The following PRKCA variants were observed in gnomAD, a reference collection of about 807,000 sequenced individuals.
PRKCA encodes the protein protein kinase C alpha type.
Under a neutral mutation model 87.0 loss-of-function variants are expected in PRKCA, and 27 were observed. The observed-to-expected ratio is 0.31, with a 90% CI of 0.23 to 0.43. The LOEUF is 0.43. PRKCA is among the 20% of genes least tolerant of loss of function. The pLI is 1.00. For synonymous variants in PRKCA, 329 were observed against 311.1 expected (o/e 1.06, Z -0.61); for missense variants, 518 against 852.3 (o/e 0.61, Z 4.88).
At chr17:66,774,333 C>T in intron 14 of PRKCA, 1 of 1,289,750 alleles carries the variant, frequency 7.8e-7, no homozygotes, top group Non-Finnish European at 9.9e-7. Context: ...ATGAAATGTA[C>T]ATGTTGGCCA....
At chr17:66,453,508 G>A (rs910039699) in intron 2 of PRKCA, among the ~76,000 whole-genome samples, 3 of 151,970 alleles carry the variant, frequency 2.0e-5, no homozygotes, top group South Asian at 2.1e-4. Flanking sequence ...CAGTAGAAAC[G>A]TGTTTCGCCA....
chr17:66,570,658 A>G (rs1343875631), intron 3 of PRKCA, among the ~76,000 whole-genome samples: 2 of 152,216 alleles, frequency 1.3e-5, no homozygotes, highest in African/African-American at 4.8e-5. Flanking sequence ...CTTTTCTGCC[A>G]TGCCTTACTA....
intron 8 of PRKCA, among the ~76,000 whole-genome samples, chr17:66,710,393 A>G (rs1432723416): frequency 6.6e-6 from 1 of 151,962 alleles, no homozygotes; most frequent in Non-Finnish European, 1.5e-5. Flanking sequence ...CCTGTGTGTA[A>G]CATTTCTCCT....
At chr17:66,380,593 T>A (rs1398515606) in intron 2 of PRKCA, among the ~76,000 whole-genome samples, 1 of 152,222 alleles carries the variant, frequency 6.6e-6, no homozygotes, top group Admixed American at 6.5e-5. Context: ...GCTATATTTT[T>A]GAATTATTGT....
At chr17:66,722,085 C>T (rs1973629907) in intron 8 of PRKCA, among the ~76,000 whole-genome samples, 1 of 152,158 alleles carries the variant, frequency 6.6e-6, no homozygotes, top group South Asian at 2.1e-4. Context: ...GGAGATAAAT[C>T]AGCACCCCTT....
chr17:66,743,300 C>G (rs936822810), intron 13 of PRKCA, among the ~76,000 whole-genome samples: 1 of 152,204 alleles, frequency 6.6e-6, no homozygotes, highest in Admixed American at 6.5e-5. Flanking sequence ...GCACTCCAGC[C>G]TGGGTGACAG....
rs1568021032 is a variant in PRKCA at position 66,765,447 on chromosome 17, T to TAG, written c.1525-8539_1525-8538insGA. Among the ~76,000 whole-genome samples, 32 of 139,634 alleles carry TAG rather than the reference T, an allele frequency of 2.3e-4. 1 individual carries two copies. The highest frequency in any genetic ancestry group is 8.5e-4 in the African/African-American group (32 of 37,554). 91.6% of individuals were successfully genotyped at this position (139,634 alleles called of 152,430 possible). The stretch of plus-strand genomic sequence containing the variant: ...ATATATATATATATATATATATATA[T>TAG]ATATATATCCATATATATACATATT... On this transcript the variant is annotated intron_variant, in intron 13 of 16. Coordinates refer to ENST00000413366, the MANE Select transcript of PRKCA (RefSeq NM_002737.3).
chr17:66,604,287 C>A (rs1277174294), intron 3 of PRKCA, among the ~76,000 whole-genome samples: 1 of 151,910 alleles, frequency 6.6e-6, no homozygotes, highest in African/African-American at 2.4e-5. Context: ...GGGTTCCTGG[C>A]ATAATAAACA....
chr17:66,593,765 C>G (rs1735304022), intron 3 of PRKCA, among the ~76,000 whole-genome samples: 1 of 152,198 alleles, frequency 6.6e-6, no homozygotes, highest in African/African-American at 2.4e-5. Context: ...GGCAAAGATT[C>G]AGGCAGACAT....
At chr17:66,790,996 T>G (rs998614548) in intron 16 of PRKCA, among the ~76,000 whole-genome samples, 27 of 151,082 alleles carry the variant, frequency 1.8e-4, no homozygotes, top group African/African-American at 6.1e-4. Flanking sequence ...TGCTGGTTTT[T>G]TTTTTTTTTA....
intron 5 of PRKCA, among the ~76,000 whole-genome samples, chr17:66,672,287 A>G (rs1176272894): frequency 6.6e-6 from 1 of 152,220 alleles, no homozygotes; most frequent in Non-Finnish European, 1.5e-5. Flanking sequence ...ACTACCTTCT[A>G]GAAAACTTGA....
chr17:66,496,706 C>T (rs1478676442), intron 3 of PRKCA, among the ~76,000 whole-genome samples: 3 of 151,092 alleles, frequency 2.0e-5, no homozygotes, highest in East Asian at 2.0e-4. Flanking sequence ...TGCAGTGGCA[C>T]GATCTCAGCT....
At chr17:66,635,289 G>A (rs559713534) in intron 3 of PRKCA, among the ~76,000 whole-genome samples, 2 of 152,190 alleles carry the variant, frequency 1.3e-5, no homozygotes, top group Non-Finnish European at 2.9e-5. Context: ...TAGCTATCAG[G>A]AGACCTACTC....
intron 2 of PRKCA, among the ~76,000 whole-genome samples, chr17:66,336,706 T>C (rs1807803239): frequency 1.1e-5 from 1 of 89,594 alleles, no homozygotes; most frequent in African/African-American, 3.1e-5. Context: ...TATAATGTTT[T>C]ACCCTTCTCT....
intron 3 of PRKCA, among the ~76,000 whole-genome samples, chr17:66,568,657 T>C (rs1968970935): frequency 6.6e-6 from 1 of 152,132 alleles, no homozygotes; most frequent in Non-Finnish European, 1.5e-5. Flanking sequence ...AAACAGTTCA[T>C]TGTGGCATAA....
chr17:66,423,525 C>T (rs1912610473), intron 2 of PRKCA, among the ~76,000 whole-genome samples: 1 of 152,196 alleles, frequency 6.6e-6, no homozygotes, highest in Non-Finnish European at 1.5e-5. Context: ...TTAGAAGCAT[C>T]ATTTACATAC....
intron 3 of PRKCA, among the ~76,000 whole-genome samples, chr17:66,627,242 G>A (rs1212382649): frequency 6.6e-6 from 1 of 152,128 alleles, no homozygotes; most frequent in Non-Finnish European, 1.5e-5. Flanking sequence ...TAACAGCTAA[G>A]CAAACCATGC....
chr17:66,352,566 T>TTG (rs1366831131), intron 2 of PRKCA, among the ~76,000 whole-genome samples: 3 of 134,048 alleles, frequency 2.2e-5, no homozygotes, highest in Non-Finnish European at 4.8e-5. Context: ...AGGTTTTTTT[T>TTG]TTTTTTTTTT....
intron 3 of PRKCA, among the ~76,000 whole-genome samples, chr17:66,620,510 G>C (rs1970646310): frequency 6.6e-6 from 1 of 152,234 alleles, no homozygotes; most frequent in Non-Finnish European, 1.5e-5. Context: ...GCTACCGATA[G>C]CTGCAGGAGA....
Sources: gnomAD v4.1 joint callset for allele counts (sites outside exome capture counted in the v4.1 genomes callset) on GRCh38, gnomAD v4.1.1 for gene constraint, MANE v1.5 for transcripts, NCBI Gene and HGNC (gene_info 2026-07-23, HGNC 2026-07-21) for gene names.